EEIG2: variants seen among roughly 807,000 people sequenced by gnomAD.
The protein encoded by EEIG2 is EEIG family member 2.
chr1:108,597,135 G>A, the EEIG2 span, among the ~76,000 whole-genome samples: 1 of 152,184 alleles, frequency 6.6e-6, no homozygotes, highest in African/African-American at 2.4e-5. Context: ...GGAGCTCTGT[G>A]TATGTGGCAG....
At chr1:108,624,964 C>CTGTA in the EEIG2 span, 3 of 496,384 alleles carry the variant, frequency 6.0e-6, no homozygotes, top group South Asian at 1.0e-4. Context: ...ACTCTCCTCA[C>CTGTA]TGTATGCATC....
chr1:108,636,836 CAAAG>C, the EEIG2 span: 8 of 151,994 alleles, frequency 5.3e-5, no homozygotes, highest in Non-Finnish European at 1.0e-4. Flanking sequence ...TGGGAAAAAT[CAAAG>C]AAAGTTTTTT....
At chr1:108,599,028 G>A in the EEIG2 span, among the ~76,000 whole-genome samples, 1 of 152,040 alleles carries the variant, frequency 6.6e-6, no homozygotes, top group Non-Finnish European at 1.5e-5. Context: ...GGTTGAGTGT[G>A]GTAGTGTATG....
At chr1:108,620,921 C>T in the EEIG2 span, among the ~76,000 whole-genome samples, 2 of 152,098 alleles carry the variant, frequency 1.3e-5, no homozygotes, top group Admixed American at 6.5e-5. Flanking sequence ...AGGATAGGAT[C>T]CCTAGCCACA....
chr1:108,616,532 C>T, the EEIG2 span: 3 of 750,552 alleles, frequency 4.0e-6, no homozygotes, highest in South Asian at 5.1e-5. Flanking sequence ...AAGAAAATAC[C>T]AGTTAAGGGA....
the EEIG2 span, among the ~76,000 whole-genome samples, chr1:108,610,565 A>G: frequency 6.6e-6 from 1 of 152,226 alleles, no homozygotes; most frequent in East Asian, 1.9e-4. Flanking sequence ...AAGTATTCAC[A>G]TGCCCAGTTG....
the EEIG2 span, among the ~76,000 whole-genome samples, chr1:108,560,728 G>T: frequency 6.6e-6 from 1 of 152,052 alleles, no homozygotes; most frequent in Non-Finnish European, 1.5e-5. Flanking sequence ...GTTCTTCTCA[G>T]CTGGCCTTGG....
the EEIG2 span, among the ~76,000 whole-genome samples, chr1:108,579,772 T>TGTGAGA: frequency 1.5e-4 from 9 of 58,822 alleles, no homozygotes; most frequent in Non-Finnish European, 1.7e-4. Flanking sequence ...TGTGTGTGTG[T>TGTGAGA]GAGAGAGAGA....
the EEIG2 span, among the ~76,000 whole-genome samples, chr1:108,605,076 C>G: frequency 2.6e-5 from 4 of 151,866 alleles, no homozygotes; most frequent in African/African-American, 4.8e-5. Flanking sequence ...TGAAAAAGAA[C>G]TATTGCAGAG....
At chr1:108,612,167 T>A in the EEIG2 span, 5 of 1,587,244 alleles carry the variant, frequency 3.2e-6, no homozygotes, top group Non-Finnish European at 8.6e-7. Context: ...TAATTCTCTT[T>A]CTTTTCATAG....
At chr1:108,637,843 T>C in the EEIG2 span, 1 of 152,576 alleles carries the variant, frequency 6.6e-6, no homozygotes, top group African/African-American at 2.4e-5. Flanking sequence ...ACCCGACAGA[T>C]CATGAAGGCT....
chr1:108,579,760 T>TGAGAGA, the EEIG2 span, among the ~76,000 whole-genome samples: 1 of 33,548 alleles, frequency 3.0e-5, no homozygotes, highest in Non-Finnish European at 7.8e-5. Context: ...TGTGTGTGTG[T>TGAGAGA]GTGTGTGTGT....
At chr1:108,617,287 G>T in the EEIG2 span, among the ~76,000 whole-genome samples, 1 of 152,162 alleles carries the variant, frequency 6.6e-6, no homozygotes, top group Non-Finnish European at 1.5e-5. Context: ...CTGACTTGTG[G>T]CTGCTAGATA....
At chr1:108,600,998 A>G in the EEIG2 span, among the ~76,000 whole-genome samples, 1 of 152,124 alleles carries the variant, frequency 6.6e-6, no homozygotes, top group East Asian at 1.9e-4. Context: ...TTTATTAGGC[A>G]TTGTTCTGGG....
chr1:108,589,902 C>T, the EEIG2 span, among the ~76,000 whole-genome samples: 2 of 151,060 alleles, frequency 1.3e-5, no homozygotes, highest in African/African-American at 4.9e-5. Context: ...GCAGTCCTCC[C>T]ACCTCAGCCT....
the EEIG2 span, chr1:108,628,520 A>G: frequency 6.2e-7 from 1 of 1,614,164 alleles, no homozygotes; most frequent in South Asian, 1.1e-5. Flanking sequence ...AATTGAGCAG[A>G]AAATCGCTGA....
At chr1:108,603,428 G>T in the EEIG2 span, among the ~76,000 whole-genome samples, 1 of 134,850 alleles carries the variant, frequency 7.4e-6, no homozygotes, top group Non-Finnish European at 1.6e-5. Flanking sequence ...AGTAGGAAGA[G>T]TGTAATACAC....
chr1:108,589,422 C>A, the EEIG2 span, among the ~76,000 whole-genome samples: 19 of 152,070 alleles, frequency 1.2e-4, no homozygotes, highest in Non-Finnish European at 2.5e-4. Context: ...CATAGTAATC[C>A]GGCTTCCATC....
At chr1:108,633,814 A>G in the EEIG2 span, among the ~76,000 whole-genome samples, 14 of 152,240 alleles carry the variant, frequency 9.2e-5, no homozygotes, top group African/African-American at 3.4e-4. Flanking sequence ...TATTTTCCCC[A>G]ACCCCTCCTT....
Sources: gnomAD v4.1 joint callset for allele counts (sites outside exome capture counted in the v4.1 genomes callset) on GRCh38, gnomAD v4.1.1 for gene constraint, MANE v1.5 for transcripts, NCBI Gene and HGNC (gene_info 2026-07-23, HGNC 2026-07-21) for gene names.